The following MACROD2 variants were observed in gnomAD, a reference collection of about 807,000 sequenced individuals.
The protein encoded by MACROD2 is ADP-ribose glycohydrolase MACROD2.
A neutral mutation model predicts 70.4 loss-of-function variants in MACROD2; 36 were observed. The observed-to-expected ratio is 0.51, with a 90% confidence interval of 0.39 to 0.68. The LOEUF is 0.68. Among genes scored for constraint, MACROD2 ranks in the 30% least tolerant of loss-of-function variants. MACROD2 has a pLI of 0.00. For missense variants in MACROD2, 496 were observed against 538.4 expected (o/e 0.92, Z 0.78); for synonymous variants, 172 against 178.8 (o/e 0.96, Z 0.30).
chr20:15,566,087 A>G (rs1455088571), intron 8 of MACROD2, among the ~76,000 whole-genome samples: 1 of 152,252 alleles, frequency 6.6e-6, no homozygotes, highest in East Asian at 1.9e-4. Flanking sequence ...GTAGAGGAAA[A>G]AAATCATTAA....
At chr20:16,004,056 A>G (rs964935276) in intron 15 of MACROD2, among the ~76,000 whole-genome samples, 2 of 152,124 alleles carry the variant, frequency 1.3e-5, no homozygotes, top group African/African-American at 4.8e-5. Flanking sequence ...CAAAGCCCTC[A>G]TTATCCAAAC....
intron 8 of MACROD2, among the ~76,000 whole-genome samples, chr20:15,803,491 TGAG>T (rs1331969018): frequency 2.6e-5 from 4 of 152,068 alleles, no homozygotes; most frequent in Middle Eastern, 3.2e-3. Context: ...TCATTGGAGT[TGAG>T]GAGGAGATCA....
chr20:15,925,864 G>A (rs1202605558), intron 10 of MACROD2, among the ~76,000 whole-genome samples: 1 of 152,180 alleles, frequency 6.6e-6, no homozygotes, highest in Admixed American at 6.5e-5. Flanking sequence ...GGGCTGACAC[G>A]ATTGTCTTGT....
intron 3 of MACROD2, among the ~76,000 whole-genome samples, chr20:14,338,084 A>C (rs992570988): frequency 1.3e-5 from 2 of 152,218 alleles, no homozygotes; most frequent in African/African-American, 4.8e-5. Context: ...TTTATTCAAC[A>C]TATGAATAAA....
chr20:15,276,622 A>G (rs973387592), intron 6 of MACROD2, among the ~76,000 whole-genome samples: 3 of 152,296 alleles, frequency 2.0e-5, no homozygotes, highest in South Asian at 2.1e-4. Flanking sequence ...TCAACTTCGC[A>G]GTTTCACTCT....
At position 15,499,848 on chromosome 20, in the gene MACROD2, G is replaced by A; in HGVS notation, c.645+1G>A. ...ATGGCTTGCCAAGAATCACCATGAG[G>A]TAGGAGGAACGACATAATCAGTGAA... On this transcript the variant is annotated splice_donor_variant, in intron 8 of 17. Coordinates refer to ENST00000684519, the MANE Select transcript of MACROD2 (RefSeq NM_001351661.2). LOFTEE classifies it high-confidence loss of function. 1 of 1,613,126 alleles carries A rather than the reference G, an allele frequency of 6.2e-7. No individual in the cohort carries two copies. The highest frequency in any genetic ancestry group is 8.5e-7 in the Non-Finnish European group (1 of 1,179,196).
At chr20:14,001,892 A>G (rs1246051241) in intron 1 of MACROD2, among the ~76,000 whole-genome samples, 2 of 152,196 alleles carry the variant, frequency 1.3e-5, no homozygotes, top group Non-Finnish European at 1.5e-5. Flanking sequence ...ATCTGCTCCC[A>G]TGACCCAATT....
intron 8 of MACROD2, among the ~76,000 whole-genome samples, chr20:15,528,506 G>T (rs1600539163): frequency 6.6e-6 from 1 of 152,172 alleles, no homozygotes; most frequent in Admixed American, 6.5e-5. Context: ...TACCACAAAG[G>T]ATTATCTGGC....
At chr20:15,043,955 C>T (rs577552961) in intron 5 of MACROD2, among the ~76,000 whole-genome samples, 44 of 152,282 alleles carry the variant, frequency 2.9e-4, no homozygotes, top group African/African-American at 1.1e-3. Flanking sequence ...TCTGGGAGCG[C>T]CACACTCCTT....
chr20:14,581,218 T>C (rs146648444), intron 4 of MACROD2, among the ~76,000 whole-genome samples: 13 of 152,344 alleles, frequency 8.5e-5, no homozygotes, highest in Non-Finnish European at 1.5e-4. Context: ...CACTTGTGCT[T>C]TGCTTAAGCC....
intron 15 of MACROD2, 107 bp downstream of exon 15, chr20:15,987,265 G>A (rs2066499200): frequency 1.1e-6 from 1 of 896,272 alleles, no homozygotes. Context: ...TTTGTAAAGG[G>A]GGAAAACGAA....
At chr20:14,374,115 A>T (rs1030991217) in intron 3 of MACROD2, among the ~76,000 whole-genome samples, 1 of 152,170 alleles carries the variant, frequency 6.6e-6, no homozygotes. Flanking sequence ...AAGGAATATT[A>T]TATTACTGAA....
intron 8 of MACROD2, among the ~76,000 whole-genome samples, chr20:15,511,645 T>C (rs1290569550): frequency 1.3e-5 from 2 of 152,196 alleles, no homozygotes; most frequent in Admixed American, 1.3e-4. Flanking sequence ...AACTCAGCTG[T>C]ATATATTTTG....
At chr20:14,185,378 C>T (rs1243904419) in intron 3 of MACROD2, among the ~76,000 whole-genome samples, 1 of 152,100 alleles carries the variant, frequency 6.6e-6, no homozygotes, top group Non-Finnish European at 1.5e-5. Context: ...CTACGTTTCT[C>T]CTCAGTGTGT....
chr20:14,466,255 A>G (rs1600267985), intron 3 of MACROD2, among the ~76,000 whole-genome samples: 2 of 151,596 alleles, frequency 1.3e-5, no homozygotes, highest in African/African-American at 4.9e-5. Flanking sequence ...TTTTCTCTAA[A>G]CTTCTCTTCA....
At chr20:15,198,171 G>T (rs1345202881) in intron 5 of MACROD2, among the ~76,000 whole-genome samples, 1 of 152,016 alleles carries the variant, frequency 6.6e-6, no homozygotes, top group Non-Finnish European at 1.5e-5. Flanking sequence ...ATGTTGGCCA[G>T]ACAGGTCTCG....
chr20:15,632,668 T>C (rs2049308081), intron 8 of MACROD2, among the ~76,000 whole-genome samples: 1 of 152,208 alleles, frequency 6.6e-6, no homozygotes, highest in African/African-American at 2.4e-5. Flanking sequence ...TTCTATGTTG[T>C]AATAACATGA....
intron 6 of MACROD2, among the ~76,000 whole-genome samples, chr20:15,376,271 A>G (rs1399130604): frequency 2.0e-5 from 3 of 152,210 alleles, no homozygotes; most frequent in African/African-American, 7.2e-5. Flanking sequence ...TTAAGAGCCT[A>G]GAAAAGTATA....
chr20:15,624,750 C>T (rs1281505526), intron 8 of MACROD2, among the ~76,000 whole-genome samples: 2 of 152,142 alleles, frequency 1.3e-5, no homozygotes, highest in Admixed American at 1.3e-4. Flanking sequence ...TGGCCCTTTA[C>T]AGAAAAAGTT....
Sources: gnomAD v4.1 joint callset for allele counts (sites outside exome capture counted in the v4.1 genomes callset) on GRCh38, gnomAD v4.1.1 for gene constraint, MANE v1.5 for transcripts, NCBI Gene and HGNC (gene_info 2026-07-23, HGNC 2026-07-21) for gene names.